Variants in ASIC2 observed in about 807,000 individuals in gnomAD.
ASIC2 encodes the protein acid sensing ion channel subunit 2, also known as acid-sensing ion channel 2.
In ASIC2, 25 loss-of-function variants were observed where a neutral mutation model predicts 57.3. The ratio of observed to expected loss-of-function variants is 0.44; its 90% CI spans 0.32 to 0.61. ASIC2 has a LOEUF of 0.61. Ranked by LOEUF, ASIC2 falls within the 20% of genes least tolerant of loss-of-function variation. The pLI, the probability that ASIC2 is intolerant of heterozygous loss-of-function variation, is 0.06. For missense variants in ASIC2, 641 were observed against 738.1 expected, an observed-to-expected ratio of 0.87 and a Z score of 1.52; for synonymous variants, 319 against 307.5, an observed-to-expected ratio of 1.04 and a Z score of -0.39.
At chr17:33,267,471 C>T (rs1422604507) in intron 1 of ASIC2, among the ~76,000 whole-genome samples, 1 of 152,196 alleles carries the variant, frequency 6.6e-6, no homozygotes, top group Non-Finnish European at 1.5e-5. Flanking sequence ...TCATGCCACA[C>T]ACTCTCGAGG....
intron 1 of ASIC2, among the ~76,000 whole-genome samples, chr17:33,871,898 T>C (rs1441433104): frequency 1.3e-5 from 2 of 152,092 alleles, no homozygotes; most frequent in Non-Finnish European, 2.9e-5. Flanking sequence ...GGTGAGGTTT[T>C]GGGCTGAGTC....
chr17:33,218,153 A>C lies in ASIC2; in HGVS notation c.708+73255T>G, dbSNP rs377192965. Among the ~76,000 whole-genome samples the C allele has an allele frequency of 3.3e-5, 5 of 152,362 alleles. No individual in the cohort carries two copies. In the East Asian group the frequency reaches 9.7e-4, roughly 29 times the overall value. ...AATCGGCCGTGCTGTTGACTCTGGC[A>C]CAGAACTGTGGGCTGTGTTCTCAGT... On this transcript the variant is annotated intron_variant, in intron 1 of 9. Coordinates refer to ENST00000225823, the MANE Select transcript of ASIC2 (RefSeq NM_183377.2).
At chr17:33,844,859 T>G (rs1913535971) in intron 1 of ASIC2, among the ~76,000 whole-genome samples, 1 of 152,212 alleles carries the variant, frequency 6.6e-6, no homozygotes, top group Non-Finnish European at 1.5e-5. Context: ...ATAAATTTTT[T>G]TATTTTTCTA....
chr17:33,615,428 G>GA (rs370476855), intron 1 of ASIC2, among the ~76,000 whole-genome samples: 1 of 151,890 alleles, frequency 6.6e-6, no homozygotes, highest in African/African-American at 2.4e-5. Flanking sequence ...TAACTTAAAG[G>GA]AAAAAAATAA....
At chr17:33,136,340 T>C (rs557414262) in intron 1 of ASIC2, among the ~76,000 whole-genome samples, 21 of 152,238 alleles carry the variant, frequency 1.4e-4, no homozygotes, top group Non-Finnish European at 2.4e-4. Context: ...TCCAGAGGTC[T>C]AGAAAAATAC....
intron 1 of ASIC2, among the ~76,000 whole-genome samples, chr17:33,864,874 C>T (rs1914191489): frequency 6.6e-6 from 1 of 152,120 alleles, no homozygotes; most frequent in African/African-American, 2.4e-5. Flanking sequence ...AAATCCATGG[C>T]TTGCAAACAA....
intron 1 of ASIC2, among the ~76,000 whole-genome samples, chr17:33,890,918 C>CA (rs995148160): frequency 1.3e-4 from 4 of 29,772 alleles, no homozygotes; most frequent in African/African-American, 4.4e-4. Flanking sequence ...GCTTGGTAAG[C>CA]AGCAGACACT....
At chr17:33,458,383 G>A (rs1597734972) in intron 1 of ASIC2, among the ~76,000 whole-genome samples, 1 of 152,154 alleles carries the variant, frequency 6.6e-6, no homozygotes, top group Non-Finnish European at 1.5e-5. Context: ...TCCAGGATCT[G>A]TAGGGAAAGA....
chr17:33,965,269 A>G (rs1905042477), intron 1 of ASIC2, among the ~76,000 whole-genome samples: 1 of 152,238 alleles, frequency 6.6e-6, no homozygotes, highest in Admixed American at 6.5e-5. Context: ...TAAATGGCAG[A>G]GCTAGGATTT....
chr17:33,262,629 T>C (rs894755360), intron 1 of ASIC2, among the ~76,000 whole-genome samples: 2 of 152,222 alleles, frequency 1.3e-5, no homozygotes, highest in Non-Finnish European at 2.9e-5. Flanking sequence ...CATTCACACA[T>C]AATCTATGTG....
At chr17:34,027,938 A>G (rs1340389385) in intron 1 of ASIC2, among the ~76,000 whole-genome samples, 1 of 152,206 alleles carries the variant, frequency 6.6e-6, no homozygotes, top group Non-Finnish European at 1.5e-5. Context: ...TGAAGTGGGA[A>G]TAACGATATG....
chr17:33,029,741 T>C (rs556866761), intron 3 of ASIC2, among the ~76,000 whole-genome samples: 1 of 152,380 alleles, frequency 6.6e-6, no homozygotes, highest in Non-Finnish European at 1.5e-5. Context: ...CTATTTTATA[T>C]TTCCACCAGT....
At chr17:34,099,218 AAAAG>A (rs1401439269) in intron 1 of ASIC2, among the ~76,000 whole-genome samples, 12 of 103,354 alleles carry the variant, frequency 1.2e-4, no homozygotes, top group African/African-American at 5.3e-4. Flanking sequence ...GAAAGGAAAG[AAAAG>A]AAAGAAAAAA....
chr17:33,773,364 C>T (rs1021633326), intron 1 of ASIC2, among the ~76,000 whole-genome samples: 1 of 152,108 alleles, frequency 6.6e-6, no homozygotes, highest in South Asian at 2.1e-4. Flanking sequence ...CATTAAAACC[C>T]CCAAAGGCAG....
At chr17:34,058,954 A>G (rs1030432213) in intron 1 of ASIC2, among the ~76,000 whole-genome samples, 1 of 152,248 alleles carries the variant, frequency 6.6e-6, no homozygotes, top group African/African-American at 2.4e-5. Flanking sequence ...TCATACCACC[A>G]GCAAATGGCA....
intron 1 of ASIC2, among the ~76,000 whole-genome samples, chr17:33,881,797 G>T (rs1027033408): frequency 2.0e-5 from 3 of 152,090 alleles, no homozygotes; most frequent in African/African-American, 7.2e-5. Context: ...AGCCCTCATT[G>T]CCAAGTCAAT....
At chr17:34,047,506 CAGAAAAA>C (rs1355111469) in intron 1 of ASIC2, among the ~76,000 whole-genome samples, 2 of 68,314 alleles carry the variant, frequency 2.9e-5, no homozygotes, top group African/African-American at 4.7e-5. Context: ...CACCTTTCTC[CAGAAAAA>C]AAAAAAAAAA....
chr17:34,094,731 C>G (rs549361758), intron 1 of ASIC2, among the ~76,000 whole-genome samples: 2 of 152,310 alleles, frequency 1.3e-5, no homozygotes, highest in Admixed American at 1.3e-4. Context: ...TCCCCTTTAT[C>G]TAAGAGCACA....
At chr17:33,803,143 A>G (rs1912176546) in intron 1 of ASIC2, among the ~76,000 whole-genome samples, 1 of 152,200 alleles carries the variant, frequency 6.6e-6, no homozygotes, top group Admixed American at 6.5e-5. Context: ...GGAACTCTGA[A>G]GAAGTGGGTT....
Sources: allele counts gnomAD v4.1 joint callset (sites outside exome capture counted in the v4.1 genomes callset), GRCh38; gene constraint gnomAD v4.1.1; transcripts MANE v1.5; gene names NCBI Gene and HGNC (gene_info 2026-07-23, HGNC 2026-07-21).